NCOR1: variants seen among roughly 807,000 people sequenced by gnomAD.
The protein encoded by NCOR1 is nuclear receptor corepressor 1.
NCOR1 carries 63 observed loss-of-function variants against 288.1 expected under a neutral mutation model. The ratio of observed to expected loss-of-function variants is 0.22; its 90% CI spans 0.18 to 0.27. The LOEUF is 0.27. Among genes scored for constraint, NCOR1 ranks in the 10% least tolerant of loss-of-function variants. NCOR1 has a pLI of 1.00. For missense variants in NCOR1, 2,397 were observed against 3,019.2 expected, an observed-to-expected ratio of 0.79 and a Z score of 4.83; for synonymous variants, 1,007 against 1,065.9, an observed-to-expected ratio of 0.94 and a Z score of 1.08.
chr17:16,157,473 T>G (rs2080004622), intron 6 of NCOR1, among the ~76,000 whole-genome samples: 1 of 152,204 alleles, frequency 6.6e-6, no homozygotes, highest in African/African-American at 2.4e-5. Flanking sequence ...TATTTATTTA[T>G]TTATTCAACT....
chr17:16,058,021 T>C lies in NCOR1; in HGVS notation c.6054A>G (p.Arg2018=). 1 of 1,614,118 alleles carries C rather than the reference T, an allele frequency of 6.2e-7. No homozygotes were observed. The highest frequency in any genetic ancestry group is 8.5e-7 in the Non-Finnish European group (1 of 1,180,000). ...RQYEGPLHHY[R]PQQESPSPQQ... The stretch of plus-strand genomic sequence containing the variant: ...GGGGAGATGGTGATTCCTGCTGTGG[T>C]CGATAGTGATGTAATGGTCCTTCAT... The change falls in exon 39 of 46, where the codon CGA becomes CGG. Residue 2018 remains arginine (R), a synonymous_variant. Coordinates refer to ENST00000268712, the MANE Select transcript of NCOR1 (RefSeq NM_006311.4).
chr17:16,152,503 A>G (rs988586811), intron 7 of NCOR1, among the ~76,000 whole-genome samples: 8 of 152,152 alleles, frequency 5.3e-5, no homozygotes, highest in Non-Finnish European at 8.8e-5. Context: ...TTATGGCTGC[A>G]TAGTATTCCA....
At chr17:16,193,522 C>A (rs80048351) in intron 2 of NCOR1, among the ~76,000 whole-genome samples, 1 of 152,058 alleles carries the variant, frequency 6.6e-6, no homozygotes, top group East Asian at 1.9e-4. Context: ...CATGAGCCAC[C>A]GCGCCCGGCC....
rs1567787946 is a variant in NCOR1 at position 16,064,108 on chromosome 17, T to C, written c.5181A>G (p.Glu1727=). The C allele has an allele frequency of 6.2e-7, 1 of 1,614,050 alleles. No individual in the cohort carries two copies. The highest frequency in any genetic ancestry group is 1.1e-5 in the South Asian group (1 of 91,082). ...EREREKERER[E]RIAAASSDLY... ...GGTCGGAGGAAGCTGCAGCAATCCG[T>C]TCCCGCTCCCGCTCCTTCTCCCGCT... The change falls in exon 35 of 46, where the codon GAA becomes GAG. Residue 1727 remains glutamate, a synonymous_variant. Transcript: ENST00000268712.
Position 16,058,528 on chromosome 17 carries a change from G to T in NCOR1, c.5953C>A (p.Pro1985Thr). The change falls in exon 38 of 46, where the codon CCC becomes ACC. Residue 1985 changes from proline (P) to threonine (T), a missense_variant. By Grantham distance (38) the Pro-to-Thr change is conservative. Coordinates refer to ENST00000268712, the MANE Select transcript of NCOR1 (RefSeq NM_006311.4). ...VISPASSPAP[P>T]QEKLQTYQPE... ...TGATAGGTCTGCAGTTTCTCCTGGG[G>T]TGGCGCAGGTGAGCTGGCAGGACTT... The T allele has an allele frequency of 6.2e-7, 1 of 1,614,134 alleles. No individual in the cohort carries two copies. Among genetic ancestry groups the T allele is most frequent in the South Asian group, 1.1e-5 (1 of 91,082 alleles).
At chr17:16,086,142 C>G in intron 23 of NCOR1, 140 bp downstream of exon 23, 1 of 973,332 alleles carries the variant, frequency 1.0e-6, no homozygotes, top group South Asian at 1.6e-5. Flanking sequence ...GCTGCATCTT[C>G]TGGTCATTAT....
intron 1 of NCOR1, among the ~76,000 whole-genome samples, chr17:16,206,111 A>C (rs1315436702): frequency 6.6e-6 from 1 of 152,060 alleles, no homozygotes; most frequent in Non-Finnish European, 1.5e-5. Flanking sequence ...GCATACCTGA[A>C]TACTACTGGT....
intron 18 of NCOR1, among the ~76,000 whole-genome samples, chr17:16,116,888 C>T (rs541837896): frequency 6.6e-6 from 1 of 152,320 alleles, no homozygotes; most frequent in African/African-American, 2.4e-5. Context: ...AGTACTAGCA[C>T]CGTTTGGTTC....
chr17:16,174,325 C>T (rs1024199918), intron 3 of NCOR1, among the ~76,000 whole-genome samples: 7 of 152,200 alleles, frequency 4.6e-5, no homozygotes, highest in African/African-American at 1.2e-4. Context: ...AAGATTCATC[C>T]TCCACTAAGG....
intron 17 of NCOR1, among the ~76,000 whole-genome samples, 190 bp downstream of exon 17, chr17:16,119,233 A>C (rs1374038415): frequency 6.6e-6 from 1 of 152,214 alleles, no homozygotes; most frequent in African/African-American, 2.4e-5. Context: ...CATCTTAAAC[A>C]AGGCACACTG....
chr17:16,151,020 A>T (rs1050859812), intron 8 of NCOR1, among the ~76,000 whole-genome samples: 13 of 151,512 alleles, frequency 8.6e-5, no homozygotes, highest in Non-Finnish European at 1.9e-4. Context: ...CTCTCAGTTA[A>T]GAAATTTTTA....
chr17:16,053,176 T>C (rs2059510863), intron 40 of NCOR1, among the ~76,000 whole-genome samples: 1 of 152,158 alleles, frequency 6.6e-6, no homozygotes, highest in Non-Finnish European at 1.5e-5. Context: ...TTCAACATCC[T>C]ATTGGAAGTC....
intron 2 of NCOR1, among the ~76,000 whole-genome samples, chr17:16,194,175 T>C (rs1272647311): frequency 6.6e-6 from 1 of 152,122 alleles, no homozygotes; most frequent in Non-Finnish European, 1.5e-5. Context: ...GGAGTATAAA[T>C]ATAGGTCTTA....
At chr17:16,051,226 C>G (rs974092980) in intron 40 of NCOR1, among the ~76,000 whole-genome samples, 3 of 152,168 alleles carry the variant, frequency 2.0e-5, no homozygotes, top group African/African-American at 7.2e-5. Flanking sequence ...AATTAGCACA[C>G]ATACCCTTAC....
intron 18 of NCOR1, among the ~76,000 whole-genome samples, chr17:16,113,939 G>A (rs577724305): frequency 9.5e-4 from 144 of 151,806 alleles, no homozygotes; most frequent in South Asian, 5.9e-3. Context: ...CTTACGTTTG[G>A]TATATTAAAA....
chr17:16,072,570 A>G (rs990485190), intron 28 of NCOR1, among the ~76,000 whole-genome samples: 2 of 152,250 alleles, frequency 1.3e-5, no homozygotes, highest in Non-Finnish European at 2.9e-5. Context: ...CTTGTGATAA[A>G]GGGAAAACGG....
intron 3 of NCOR1, among the ~76,000 whole-genome samples, chr17:16,182,639 A>T (rs2085727617): frequency 6.6e-6 from 1 of 152,128 alleles, no homozygotes; most frequent in African/African-American, 2.4e-5. Context: ...TATTTTTAGT[A>T]GATGAGGTTT....
chr17:16,051,064 G>A (rs966389603), intron 40 of NCOR1, among the ~76,000 whole-genome samples: 5 of 152,028 alleles, frequency 3.3e-5, no homozygotes, highest in Non-Finnish European at 5.9e-5. Flanking sequence ...GTCTTGAACC[G>A]CTGGCCTCAA....
At position 16,101,473 on chromosome 17, in the gene NCOR1, C is replaced by T; in HGVS notation, c.2467G>A (p.Asp823Asn). ...TTTTCTGGCACCCTCACTTCAACGT[C>T]CACAGAGTCAGCTTTGGTAGCGGGT... Reference protein sequence around the residue: ...PPPATKADSVDVEVRVPENHA... With the variant: ...PPPATKADSVNVEVRVPENHA... Residue 823 changes from aspartate (D) to asparagine (N), a missense_variant, in exon 20 of 46, where the codon GAC becomes AAC. Physicochemically the swap from Asp to Asn is conservative, Grantham distance 23 (BLOSUM62 1). This residue lies in a region of NCOR1 where 1,872 missense variants were observed against 2,187.8 expected (regional missense o/e 0.86). Coordinates refer to ENST00000268712, the MANE Select transcript of NCOR1 (RefSeq NM_006311.4). The T allele has an allele frequency of 6.2e-7, 1 of 1,614,166 alleles. No individual in the cohort carries two copies. Among genetic ancestry groups the T allele is most frequent in the Non-Finnish European group, 8.5e-7 (1 of 1,179,994 alleles).
Sources: gnomAD v4.1 joint callset for allele counts (sites outside exome capture counted in the v4.1 genomes callset) on GRCh38, gnomAD v4.1.1 for gene constraint, gnomAD v4.1.1 regional missense constraint, MANE v1.5 for transcripts, NCBI Gene and HGNC (gene_info 2026-07-23, HGNC 2026-07-21) for gene names.